LYPLA1: variants seen among roughly 807,000 people sequenced by gnomAD.
LYPLA1 encodes the protein acyl-protein thioesterase 1.
A neutral mutation model predicts 34.0 loss-of-function variants in LYPLA1; 17 were observed. That is an observed-to-expected ratio of 0.50 (90% CI 0.34 to 0.75). The LOEUF (loss-of-function observed/expected upper bound fraction) is 0.75. LYPLA1 is among the 30% of genes least tolerant of loss of function. The probability of loss-of-function intolerance (pLI) is 0.01; values close to 1 mark genes in which losing one functional copy is unlikely to be tolerated. For synonymous variants in LYPLA1, 98 were observed against 100.8 expected, an observed-to-expected ratio of 0.97 and a Z score of 0.17; for missense variants, 203 against 288.8, an observed-to-expected ratio of 0.70 and a Z score of 2.15.
intron 2 of LYPLA1, among the ~76,000 whole-genome samples, chr8:54,084,133 A>AAAAAAAAAAAAATTTTTATATATATAT (rs1373090573): frequency 4.2e-5 from 5 of 120,448 alleles, no homozygotes; most frequent in African/African-American, 2.3e-4. Flanking sequence ...AGAAAAAAAA[A>AAAAAAAAAAAAATTTTTATATATATAT]ATAAATAAAT....
chr8:54,065,553 G>A (rs1409668030), intron 3 of LYPLA1, among the ~76,000 whole-genome samples, 195 bp downstream of exon 3: 5 of 120,136 alleles, frequency 4.2e-5, no homozygotes, highest in East Asian at 8.7e-4. Flanking sequence ...ATTGCTTAAC[G>A]AAAGAGAAAA....
rs529896780 is a variant in LYPLA1 at position 54,073,473 on chromosome 8, G to A, written c.102-7660C>T. 2.1e-5 allele frequency: 16 copies of A among 763,760 alleles called. No homozygotes were observed. The Admixed American group carries it at 2.6e-4, about 12-fold the overall frequency. The allele number at this position is 763,760 out of a possible 1,614,324, so 47.3% of individuals were successfully genotyped here. On this transcript the variant is annotated intron_variant, in intron 2 of 8. Transcript: ENST00000316963. ...TGGCTGTGATGGCCTTGTGATGTAT[G>A]GCATCTCATAGCTTCCAGGACTCCA...
intron 2 of LYPLA1, among the ~76,000 whole-genome samples, chr8:54,075,279 G>C (rs748968139): frequency 6.6e-6 from 1 of 152,238 alleles, no homozygotes; most frequent in Non-Finnish European, 1.5e-5. Context: ...ATTACAAAAA[G>C]TTAGTAAATA....
At position 54,047,779 on chromosome 8, in the gene LYPLA1, A is replaced by C. The variant is rs1297609011; in HGVS notation, c.*286T>G. ...ATGATGTAATAAAAAATCTGGTGGC[A>C]GTACTGTATTATTTTGCTGAATTAC... is the stretch of plus-strand genomic sequence containing the variant. On this transcript the variant is annotated 3_prime_UTR_variant, in exon 9 of 9. Coordinates refer to ENST00000316963, the MANE Select transcript of LYPLA1 (RefSeq NM_006330.4). The C allele has an allele frequency of 6.8e-6, 2 of 292,714 alleles. No individual in the cohort carries two copies. Among genetic ancestry groups the C allele is most frequent in the Non-Finnish European group, 1.3e-5 (2 of 159,440 alleles). The allele number at this position is 292,714 out of a possible 1,614,324, so 18.1% of individuals were successfully genotyped here. A position where few individuals can be genotyped will look rare whatever the true frequency, so the allele number is the denominator to read the frequency against.
chr8:54,050,578 G>C (rs1805777355), intron 8 of LYPLA1, among the ~76,000 whole-genome samples: 1 of 152,090 alleles, frequency 6.6e-6, no homozygotes, highest in African/African-American at 2.4e-5. Context: ...AAATCCCACC[G>C]TTTTTCAAAA....
Position 54,048,083 on chromosome 8 carries a change from G to C in LYPLA1, c.675C>G (p.Leu225=), listed in dbSNP as rs150305251. ...AGTGACGTCAATCAATTGGAGGTAG[G>C]AGTTTATCAATGAATTGCTTGACAT... ...MMDVKQFIDK[L]LPPID The change falls in exon 9 of 9, where the codon CTC becomes CTG. Residue 225 remains leucine, a synonymous_variant. Coordinates refer to ENST00000316963, the MANE Select transcript of LYPLA1 (RefSeq NM_006330.4). 9.5e-5 allele frequency: 153 copies of C among 1,609,816 alleles called. No individual in the cohort carries two copies. The African/African-American group carries it at 1.6e-3, about 17-fold the overall frequency.
chr8:54,062,826 T>C (rs1007448182), intron 4 of LYPLA1, among the ~76,000 whole-genome samples: 3 of 152,184 alleles, frequency 2.0e-5, no homozygotes, highest in African/African-American at 7.2e-5. Flanking sequence ...TCATCGTTTT[T>C]TAACAGACCT....
rs1231029824 is a variant in LYPLA1 at position 54,047,448 on chromosome 8, AG to A, written c.*616del. 6.6e-6 allele frequency: 1 copy of A among 152,076 alleles called. No homozygotes were observed. The highest frequency in any genetic ancestry group is 1.5e-5 in the Non-Finnish European group (1 of 67,956). The allele number at this position is 152,076 out of a possible 1,614,324, so 9.4% of individuals were successfully genotyped here. On this transcript the variant is annotated 3_prime_UTR_variant, in exon 9 of 9. Transcript: ENST00000316963. ...AAGAGTATTAAATAGAAATAATATC[AG>A]GGAAAATAAAAGCCTGGTCCCAAAA... is the stretch of plus-strand genomic sequence containing the variant.
At chr8:54,086,422 T>C (rs1168377788) in intron 2 of LYPLA1, among the ~76,000 whole-genome samples, 8 of 27,104 alleles carry the variant, frequency 3.0e-4, no homozygotes, top group African/African-American at 8.9e-4. Flanking sequence ...GAATGATCAA[T>C]AAATACTAAA....
intron 2 of LYPLA1, among the ~76,000 whole-genome samples, chr8:54,070,785 G>A (rs1206314845): frequency 6.6e-6 from 1 of 152,182 alleles, no homozygotes; most frequent in African/African-American, 2.4e-5. Context: ...ATTCAACAAT[G>A]AGAAGGAAGT....
intron 5 of LYPLA1, 100 bp downstream of exon 5, chr8:54,062,154 G>T (rs563720361): frequency 4.7e-6 from 4 of 842,832 alleles, no homozygotes; most frequent in Non-Finnish European, 7.5e-6. Context: ...CACCGTGCCC[G>T]GCCCAAATGT....
At chr8:54,059,176 T>C (rs1487259380) in intron 5 of LYPLA1, among the ~76,000 whole-genome samples, 1 of 152,246 alleles carries the variant, frequency 6.6e-6, no homozygotes, top group Non-Finnish European at 1.5e-5. Flanking sequence ...TGTCATCTAT[T>C]ATTTTCAGAC....
chr8:54,084,159 T>C lies in LYPLA1; in HGVS notation c.101+16749A>G, dbSNP rs867002753. Among the ~76,000 whole-genome samples, 13 of 134,162 alleles carry C rather than the reference T, an allele frequency of 9.7e-5. 1 individual carries two copies. Among genetic ancestry groups the C allele is most frequent in the African/African-American group, 4.2e-4 (13 of 30,940 alleles). 88.0% of individuals were successfully genotyped at this position (134,162 alleles called of 152,430 possible). On this transcript the variant is annotated intron_variant, in intron 2 of 8. Coordinates refer to ENST00000316963, the MANE Select transcript of LYPLA1 (RefSeq NM_006330.4). ...ATAAATAAATATATATATATATATA[T>C]ATATAAAATAAAGACCTCAAATTAA...
rs116719615 is a variant in LYPLA1 at position 54,073,111 on chromosome 8, C to A, written c.102-7298G>T. Reference sequence around the variant, plus strand: ...TCGTTAAGGGTTGGGCCATCAGGAACTTGCGCGTCCATCTCAGGGAGACCT... The same window carrying A: ...TCGTTAAGGGTTGGGCCATCAGGAAATTGCGCGTCCATCTCAGGGAGACCT... On this transcript the variant is annotated intron_variant, in intron 2 of 8. Coordinates refer to ENST00000316963, the MANE Select transcript of LYPLA1 (RefSeq NM_006330.4). 701 of 682,454 alleles carry A rather than the reference C, an allele frequency of 1.0e-3. 2 individuals are homozygous for A. The African/African-American group carries it at 0.011, about 11-fold the overall frequency. The allele number at this position is 682,454 out of a possible 1,614,324, so 42.3% of individuals were successfully genotyped here.
chr8:54,078,594 G>T (rs910451178), intron 2 of LYPLA1, among the ~76,000 whole-genome samples: 7 of 152,158 alleles, frequency 4.6e-5, no homozygotes, highest in South Asian at 4.1e-4. Flanking sequence ...TCAGCTAAAG[G>T]TCACCAGATT....
chr8:54,083,173 A>G (rs370819125), intron 2 of LYPLA1, among the ~76,000 whole-genome samples: 11 of 152,344 alleles, frequency 7.2e-5, no homozygotes, highest in African/African-American at 2.4e-4. Context: ...ATACTTAAAA[A>G]TCAGAGACAG....
intron 2 of LYPLA1, 114 bp from the exon 3 acceptor site, chr8:54,065,927 A>G: frequency 1.4e-6 from 1 of 731,522 alleles, no homozygotes; most frequent in Non-Finnish European, 2.4e-6. Flanking sequence ...TCCTAAAAAT[A>G]TGGTTTTTTT....
chr8:54,101,794 C>CA lies in LYPLA1; in HGVS notation c.29dup (p.Pro11AlafsTer49), dbSNP rs771263859. ...TCCGGGCGGCGGGCACGATGGCGGG[C>CA]AGCGGGGTTGACATGTTATTGCCGC... is the stretch of plus-strand genomic sequence containing the variant. On this transcript the variant is annotated frameshift_variant, in exon 1 of 9. Transcript: ENST00000316963. LOFTEE classifies it high-confidence loss of function. 1 of 1,295,134 alleles carries CA rather than the reference C, an allele frequency of 7.7e-7. No individual in the cohort carries two copies. The highest frequency in any genetic ancestry group is 1.5e-5 in the African/African-American group (1 of 65,296). 80.2% of individuals were successfully genotyped at this position (1,295,134 alleles called of 1,614,324 possible).
At chr8:54,088,620 C>T (rs1273802227) in intron 2 of LYPLA1, among the ~76,000 whole-genome samples, 1 of 152,112 alleles carries the variant, frequency 6.6e-6, no homozygotes, top group Non-Finnish European at 1.5e-5. Flanking sequence ...AGTATATACA[C>T]CAGAGAACTA....
Sources: gnomAD v4.1 joint callset for allele counts (sites outside exome capture counted in the v4.1 genomes callset) on GRCh38, gnomAD v4.1.1 for gene constraint, MANE v1.5 for transcripts, NCBI Gene and HGNC (gene_info 2026-07-23, HGNC 2026-07-21) for gene names.